LHFPL3: variants seen among roughly 807,000 people sequenced by gnomAD.
The protein encoded by LHFPL3 is LHFPL tetraspan subfamily member 3 protein.
Under a neutral mutation model 19.3 loss-of-function variants are expected in LHFPL3, and 5 were observed. The observed-to-expected ratio is 0.26, with a 90% CI of 0.14 to 0.54. LHFPL3 has a LOEUF of 0.54. LHFPL3 is among the 20% of genes least tolerant of loss of function. LHFPL3 has a pLI of 0.94. For synonymous variants in LHFPL3, 133 were observed against 126.2 expected (o/e 1.05, Z -0.36); for missense variants, 249 against 307.4 (o/e 0.81, Z 1.42).
At chr7:104,525,348 G>A (rs1794166052) in intron 1 of LHFPL3, among the ~76,000 whole-genome samples, 1 of 152,030 alleles carries the variant, frequency 6.6e-6, no homozygotes, top group African/African-American at 2.4e-5. Flanking sequence ...AAATATTCAA[G>A]GGGCCTCCTG....
intron 1 of LHFPL3, among the ~76,000 whole-genome samples, chr7:104,608,821 A>G (rs985863723): frequency 2.0e-5 from 3 of 152,098 alleles, no homozygotes; most frequent in African/African-American, 7.2e-5. Flanking sequence ...TGATCCACCT[A>G]CGTGGACAAA....
chr7:104,826,521 A>G, intron 2 of LHFPL3: 1 of 161,358 alleles, frequency 6.2e-6, no homozygotes. Context: ...AGTAACGATA[A>G]GAACAGAAAT....
intron 2 of LHFPL3, among the ~76,000 whole-genome samples, chr7:104,869,166 G>T (rs1237304044): frequency 6.6e-6 from 1 of 152,148 alleles, no homozygotes; most frequent in Non-Finnish European, 1.5e-5. Flanking sequence ...TACCATTCAG[G>T]ACACAGGCAT....
At chr7:104,447,008 T>A (rs1221885373) in intron 1 of LHFPL3, among the ~76,000 whole-genome samples, 1 of 152,232 alleles carries the variant, frequency 6.6e-6, no homozygotes, top group Non-Finnish European at 1.5e-5. Flanking sequence ...AATAAATACA[T>A]TCTTAACTTG....
At chr7:104,709,222 AT>A (rs202037356) in intron 1 of LHFPL3, among the ~76,000 whole-genome samples, 34 of 142,918 alleles carry the variant, frequency 2.4e-4, no homozygotes, top group African/African-American at 4.6e-4. Flanking sequence ...TTATTTTTTT[AT>A]TTTTTTTTAT....
At chr7:104,563,531 C>G (rs910396558) in intron 1 of LHFPL3, among the ~76,000 whole-genome samples, 3 of 152,286 alleles carry the variant, frequency 2.0e-5, no homozygotes, top group African/African-American at 7.2e-5. Flanking sequence ...ATGCCTCGCC[C>G]TGCTTCGGCT....
intron 1 of LHFPL3, among the ~76,000 whole-genome samples, chr7:104,437,818 T>A (rs1792140396): frequency 6.6e-6 from 1 of 152,132 alleles, no homozygotes; most frequent in Non-Finnish European, 1.5e-5. Flanking sequence ...ACTCATAAGC[T>A]CTTCAAACTC....
chr7:104,568,872 T>A (rs1346453987), intron 1 of LHFPL3, among the ~76,000 whole-genome samples: 1 of 152,222 alleles, frequency 6.6e-6, no homozygotes, highest in Non-Finnish European at 1.5e-5. Flanking sequence ...AAATTTCCCA[T>A]GACTGGGCTT....
intron 1 of LHFPL3, among the ~76,000 whole-genome samples, chr7:104,361,693 TCA>T (rs1248680495): frequency 6.6e-6 from 1 of 152,230 alleles, no homozygotes; most frequent in African/African-American, 2.4e-5. Context: ...CATTTCTGAC[TCA>T]CAGAATAATA....
At chr7:104,634,125 C>T (rs1562954816) in intron 1 of LHFPL3, among the ~76,000 whole-genome samples, 1 of 152,188 alleles carries the variant, frequency 6.6e-6, no homozygotes, top group Non-Finnish European at 1.5e-5. Context: ...CTATAGTAGA[C>T]ATATAAATAC....
chr7:104,778,116 G>A (rs1467585178), intron 2 of LHFPL3, among the ~76,000 whole-genome samples: 1 of 152,188 alleles, frequency 6.6e-6, no homozygotes, highest in East Asian at 1.9e-4. Flanking sequence ...TGGACCTATA[G>A]GTGCTATGAC....
At chr7:104,600,639 A>T (rs1790944847) in intron 1 of LHFPL3, among the ~76,000 whole-genome samples, 1 of 152,188 alleles carries the variant, frequency 6.6e-6, no homozygotes, top group Admixed American at 6.5e-5. Flanking sequence ...TTTGCTGGCA[A>T]AAATTTAGAG....
At chr7:104,534,073 T>G (rs1794351618) in intron 1 of LHFPL3, among the ~76,000 whole-genome samples, 1 of 152,154 alleles carries the variant, frequency 6.6e-6, no homozygotes, top group African/African-American at 2.4e-5. Context: ...TGCCTTAAAT[T>G]AAGCCCTCAT....
intron 1 of LHFPL3, among the ~76,000 whole-genome samples, chr7:104,563,820 T>C (rs1418164400): frequency 6.6e-6 from 1 of 152,194 alleles, no homozygotes; most frequent in East Asian, 1.9e-4. Context: ...TTTCTGTGTT[T>C]ATAAGTCACC....
At chr7:104,655,585 G>T (rs1758778390) in intron 1 of LHFPL3, among the ~76,000 whole-genome samples, 1 of 152,226 alleles carries the variant, frequency 6.6e-6, no homozygotes, top group African/African-American at 2.4e-5. Flanking sequence ...TCAAATACAT[G>T]TATTTCTTGT....
At chr7:104,336,212 G>C (rs1030697717) in intron 1 of LHFPL3, among the ~76,000 whole-genome samples, 6 of 152,108 alleles carry the variant, frequency 3.9e-5, no homozygotes, top group African/African-American at 1.2e-4. Flanking sequence ...AAAGAAGTTA[G>C]TAATAATGAT....
chr7:104,481,858 T>A (rs1353249188), intron 1 of LHFPL3, among the ~76,000 whole-genome samples: 1 of 152,190 alleles, frequency 6.6e-6, no homozygotes, highest in Non-Finnish European at 1.5e-5. Context: ...AAGAAGTAGG[T>A]GACTGAAGTA....
intron 2 of LHFPL3, among the ~76,000 whole-genome samples, chr7:104,886,912 T>C (rs1792159833): frequency 6.6e-6 from 1 of 152,304 alleles, no homozygotes; most frequent in African/African-American, 2.4e-5. Context: ...CTTTAAGTCC[T>C]CCCGGGGTCC....
intron 1 of LHFPL3, among the ~76,000 whole-genome samples, chr7:104,457,105 T>C (rs1206937099): frequency 6.6e-6 from 1 of 152,188 alleles, no homozygotes; most frequent in Non-Finnish European, 1.5e-5. Flanking sequence ...TCAGCTTTTA[T>C]GCCCACTACA....
Sources: allele counts gnomAD v4.1 joint callset (sites outside exome capture counted in the v4.1 genomes callset), GRCh38; gene constraint gnomAD v4.1.1; transcripts MANE v1.5; gene names NCBI Gene and HGNC (gene_info 2026-07-23, HGNC 2026-07-21).